The following ZNRF3 variants were observed in gnomAD, a reference collection of about 807,000 sequenced individuals.
ZNRF3 encodes zinc and ring finger 3.
In ZNRF3, 23 loss-of-function variants were observed where a neutral mutation model predicts 72.5. The ratio of observed to expected loss-of-function variants is 0.32; its 90% confidence interval spans 0.23 to 0.45. The LOEUF (loss-of-function observed/expected upper bound fraction) is 0.45. Among genes scored for constraint, ZNRF3 ranks in the 20% least tolerant of loss-of-function variants. The pLI, the probability that ZNRF3 is intolerant of heterozygous loss-of-function variation, is 1.00. For synonymous variants in ZNRF3, 610 were observed against 545.3 expected, an observed-to-expected ratio of 1.12 and a Z score of -1.65; for missense variants, 1,169 against 1,272.1, an observed-to-expected ratio of 0.92 and a Z score of 1.23.
chr22:29,036,463 C>G (rs1384613539), intron 2 of ZNRF3, among the ~76,000 whole-genome samples: 1 of 152,226 alleles, frequency 6.6e-6, no homozygotes, highest in African/African-American at 2.4e-5. Flanking sequence ...GTATCATCAT[C>G]TAGAGAGTTA....
chr22:29,050,324 G>A lies in ZNRF3; in HGVS notation c.2143G>A (p.Glu715Lys), dbSNP rs1040586856. 3.1e-6 allele frequency: 5 copies of A among 1,600,482 alleles called. No individual in the cohort carries two copies. The highest frequency in any genetic ancestry group is 4.2e-6 in the Non-Finnish European group (5 of 1,177,472). ...GTTGCCGTCGTGTGCCTGCTGCTGC[G>A]AGCCCCAGCCCTCCCCAGCCGGGCC... ...HELPSCACCC[E>K]PQPSPAGPSA... The change falls in exon 8 of 9, where the codon GAG (glutamate) becomes AAG (lysine). Residue 715 changes from glutamate to lysine, a missense_variant. Around this residue, in one of 2 missense-constraint regions of ZNRF3, gnomAD observed 783 missense variants for 731.4 expected, o/e 1.07. Coordinates refer to ENST00000544604, the MANE Select transcript of ZNRF3 (RefSeq NM_001206998.2).
intron 2 of ZNRF3, among the ~76,000 whole-genome samples, chr22:29,002,792 C>G (rs2036171823): frequency 6.6e-6 from 1 of 152,180 alleles, no homozygotes; most frequent in Admixed American, 6.5e-5. Context: ...TCTGGAAGGT[C>G]TGACTCCAGG....
chr22:28,887,235 A>AGAGT (rs376319811), intron 1 of ZNRF3, among the ~76,000 whole-genome samples: 6,526 of 93,032 alleles, frequency 0.07, 216 homozygotes, highest in Middle Eastern at 0.15. Flanking sequence ...AGAGAGAGAG[A>AGAGT]GTGTGTGTGT....
intron 1 of ZNRF3, among the ~76,000 whole-genome samples, chr22:28,974,151 C>T (rs1411826665): frequency 3.9e-5 from 6 of 151,952 alleles, no homozygotes; most frequent in Non-Finnish European, 5.9e-5. Context: ...TTAGTAGAGA[C>T]GGAGTTTCAC....
rs2037143433 is a variant in ZNRF3 at position 29,049,579 on chromosome 22, G to A, written c.1398G>A (p.Glu466=). ...AGGCAGCTTGCTTCTCCCAGTATGA[G>A]ACCATGTACCAGCACTACTACTTCC... is the stretch of plus-strand genomic sequence containing the variant. ...FSKAACFSQY[E]TMYQHYYFQG... The change falls in exon 8 of 9, where the codon GAG becomes GAA. Residue 466 remains glutamate, a synonymous_variant. Coordinates refer to ENST00000544604, the MANE Select transcript of ZNRF3 (RefSeq NM_001206998.2). The surrounding 1 kb of genome is among the most constrained non-coding windows in gnomAD (Gnocchi z 5.2). 3.7e-6 allele frequency: 6 copies of A among 1,607,160 alleles called. No homozygotes were observed. The highest frequency in any genetic ancestry group is 5.1e-6 in the Non-Finnish European group (6 of 1,178,094).
rs59532780 is a variant in ZNRF3, at chr22:29,024,284, G to GTTT, written c.427-18200_427-18198dup. The stretch of plus-strand genomic sequence containing the variant: ...ATAATGACTTTCAAAGGCATTAACT[G>GTTT]TTTTTTTTTTTTTGCTTTCAATTTT... On this transcript the variant is annotated intron_variant, in intron 2 of 8. Transcript: ENST00000544604. Among the ~76,000 whole-genome samples, 5 of 127,826 alleles carry GTTT rather than the reference G, an allele frequency of 3.9e-5. 1 individual carries two copies. Among genetic ancestry groups the GTTT allele is most frequent in the East Asian group, 2.3e-4 (1 of 4,324 alleles). 83.9% of individuals were successfully genotyped at this position (127,826 alleles called of 152,430 possible). A position where few individuals can be genotyped will look rare whatever the true frequency, so the allele number is the denominator to read the frequency against.
intron 1 of ZNRF3, among the ~76,000 whole-genome samples, chr22:28,932,057 C>T (rs919225091): frequency 1.3e-5 from 2 of 152,310 alleles, no homozygotes; most frequent in South Asian, 2.1e-4. Context: ...AGGTGTAGTG[C>T]GTGGCACCTG....
chr22:28,964,022 T>G (rs1175138071), intron 1 of ZNRF3, among the ~76,000 whole-genome samples: 2 of 152,114 alleles, frequency 1.3e-5, no homozygotes, highest in East Asian at 3.9e-4. Flanking sequence ...CCACCTACAT[T>G]CTAGTGCACC....
At chr22:28,961,908 A>C (rs2035367543) in intron 1 of ZNRF3, among the ~76,000 whole-genome samples, 1 of 152,230 alleles carries the variant, frequency 6.6e-6, no homozygotes, top group Non-Finnish European at 1.5e-5. Flanking sequence ...ATTAAAAACT[A>C]AATCTTTTAA....
At chr22:28,965,650 AAAC>A (rs2035445973) in intron 1 of ZNRF3, among the ~76,000 whole-genome samples, 1 of 152,214 alleles carries the variant, frequency 6.6e-6, no homozygotes, top group South Asian at 2.1e-4. Context: ...GAGTAGAAGG[AAAC>A]AACAAGACAG....
chr22:29,042,348 G>A, intron 2 of ZNRF3, 147 bp from the exon 3 acceptor site: 2 of 614,058 alleles, frequency 3.3e-6, no homozygotes, highest in Non-Finnish European at 5.8e-6. Flanking sequence ...GAAAATTGAG[G>A]ATTAGGAAAG....
intron 2 of ZNRF3, among the ~76,000 whole-genome samples, chr22:28,999,221 C>G (rs898709993): frequency 6.7e-6 from 1 of 150,022 alleles, no homozygotes; most frequent in Non-Finnish European, 1.5e-5. Flanking sequence ...GTAATCCCAG[C>G]TACTCAGAAG....
At chr22:28,901,867 G>A (rs1182816121) in intron 1 of ZNRF3, among the ~76,000 whole-genome samples, 1 of 150,048 alleles carries the variant, frequency 6.7e-6, no homozygotes, top group Non-Finnish European at 1.5e-5. Context: ...GTGGCTAGGC[G>A]TTTTATGGTG....
chr22:29,041,634 A>C (rs1309854020), intron 2 of ZNRF3, among the ~76,000 whole-genome samples: 1 of 152,034 alleles, frequency 6.6e-6, no homozygotes, highest in East Asian at 1.9e-4. Flanking sequence ...AGCCCTGCTC[A>C]ATCAGTCTCT....
At chr22:28,986,038 C>T (rs1053800504) in intron 1 of ZNRF3, among the ~76,000 whole-genome samples, 1 of 152,226 alleles carries the variant, frequency 6.6e-6, no homozygotes, top group Non-Finnish European at 1.5e-5. Flanking sequence ...CTTTCTCATG[C>T]TTCCCTGCTT....
rs536759438 is a variant in ZNRF3 at position 28,933,986 on chromosome 22, C to T, written c.300+49920C>T. On this transcript the variant is annotated intron_variant, in intron 1 of 8. Transcript: ENST00000544604. ...TAAGGACCTGATGTATTAATGCTCT[C>T]CAGGTCATTCATATTTGGGGGAAGG... Among the ~76,000 whole-genome samples the T allele has an allele frequency of 2.1e-4, 32 of 151,864 alleles. No homozygotes were observed. The South Asian group carries it at 6.5e-3, about 31-fold the overall frequency.
chr22:28,987,208 A>T lies in ZNRF3; in HGVS notation c.426+7A>T. 6.2e-7 allele frequency: 1 copy of T among 1,605,596 alleles called. No homozygotes were observed. ...CCTCACTGTCCTAGGCAAGGTAAGC[A>T]CCAGGCCCTTGGAATCACTGTGTTT... On this transcript the variant is annotated splice_region_variant and intron_variant, in intron 2 of 8. Coordinates refer to ENST00000544604, the MANE Select transcript of ZNRF3 (RefSeq NM_001206998.2).
At chr22:29,038,338 CT>C (rs541653084) in intron 2 of ZNRF3, among the ~76,000 whole-genome samples, 790 of 137,806 alleles carry the variant, frequency 5.7e-3, no homozygotes, top group Middle Eastern at 7.5e-3. Flanking sequence ...TGTTCTGTTG[CT>C]TTTTTTTTTT....
Position 28,891,639 on chromosome 22 carries a change from T to G in ZNRF3, c.300+7573T>G, listed in dbSNP as rs143157443. Among the ~76,000 whole-genome samples the G allele has an allele frequency of 6.0e-4, 91 of 152,372 alleles. 2 individuals are homozygous for G. The highest frequency in any genetic ancestry group is 3.1e-3 in the South Asian group (15 of 4,832). On this transcript the variant is annotated intron_variant, in intron 1 of 8. Transcript: ENST00000544604. ...GAGGTTCAAATCCTGGTCTGTCTGA[T>G]TCTAAGCCATTTCTGTTTTCACAAG...
Sources: allele counts gnomAD v4.1 joint callset (sites outside exome capture counted in the v4.1 genomes callset), GRCh38; gene constraint gnomAD v4.1.1; regional missense constraint gnomAD v4.1.1; non-coding constraint Gnocchi (gnomAD v3.1); transcripts MANE v1.5; gene names NCBI Gene and HGNC (gene_info 2026-07-23, HGNC 2026-07-21).